SCFD2: variants seen among roughly 807,000 people sequenced by gnomAD.
SCFD2 encodes sec1 family domain-containing protein 2.
In SCFD2, 54 loss-of-function variants were observed where a neutral mutation model predicts 58.9. That is an observed-to-expected ratio of 0.92 (90% CI 0.74 to 1.15). The LOEUF (loss-of-function observed/expected upper bound fraction) is 1.15. Among genes scored for constraint, SCFD2 ranks in the 50% most tolerant of loss-of-function variants. The pLI, the probability that SCFD2 is intolerant of heterozygous loss-of-function variation, is 0.00. For synonymous variants in SCFD2, 321 were observed against 335.9 expected (o/e 0.96, Z 0.49); for missense variants, 805 against 836.6 (o/e 0.96, Z 0.47).
chr4:53,056,540 T>C (rs953015569), intron 5 of SCFD2, among the ~76,000 whole-genome samples: 3 of 152,188 alleles, frequency 2.0e-5, no homozygotes, highest in African/African-American at 7.2e-5. Flanking sequence ...CTTTTTTTTT[T>C]CCAAGTATTG....
intron 5 of SCFD2, among the ~76,000 whole-genome samples, chr4:52,984,111 A>G (rs1721436632): frequency 6.6e-6 from 1 of 152,256 alleles, no homozygotes; most frequent in Admixed American, 6.5e-5. Context: ...TTCAAAAAGC[A>G]TCTCAAGCCT....
chr4:53,287,551 G>A (rs899871010), intron 3 of SCFD2, among the ~76,000 whole-genome samples: 3 of 151,986 alleles, frequency 2.0e-5, no homozygotes, highest in Non-Finnish European at 4.4e-5. Context: ...AATGCACCCT[G>A]CACAAGTTAC....
At chr4:52,912,240 T>C (rs779000521) in intron 6 of SCFD2, among the ~76,000 whole-genome samples, 3 of 152,252 alleles carry the variant, frequency 2.0e-5, no homozygotes, top group Admixed American at 6.5e-5. Flanking sequence ...AATACATTTA[T>C]TCCACTAAAA....
chr4:53,008,272 T>A (rs572654438), intron 5 of SCFD2, among the ~76,000 whole-genome samples: 1 of 152,136 alleles, frequency 6.6e-6, no homozygotes, highest in East Asian at 1.9e-4. Context: ...CATTAGCCAA[T>A]CCCATCCAGA....
At chr4:53,323,560 T>A (rs1262796287) in intron 2 of SCFD2, among the ~76,000 whole-genome samples, 4 of 146,798 alleles carry the variant, frequency 2.7e-5, no homozygotes, top group Non-Finnish European at 6.0e-5. Flanking sequence ...TTTTTTTACT[T>A]TTTGCGGAGA....
intron 4 of SCFD2, among the ~76,000 whole-genome samples, chr4:53,184,530 T>C (rs1264228811): frequency 6.6e-6 from 1 of 152,136 alleles, no homozygotes; most frequent in African/African-American, 2.4e-5. Flanking sequence ...GATGGAGATT[T>C]TTACATGAGA....
At chr4:53,188,420 T>C (rs915167319) in intron 4 of SCFD2, among the ~76,000 whole-genome samples, 2 of 18,830 alleles carry the variant, frequency 1.1e-4, no homozygotes, top group African/African-American at 4.4e-4. Context: ...TCAAAACTGG[T>C]GTGTGTGTGT....
chr4:53,312,943 A>G (rs1320290493), intron 3 of SCFD2, among the ~76,000 whole-genome samples: 1 of 152,140 alleles, frequency 6.6e-6, no homozygotes, highest in Non-Finnish European at 1.5e-5. Context: ...TATTTTTTAA[A>G]ACAAAAAAAT....
intron 5 of SCFD2, among the ~76,000 whole-genome samples, chr4:53,138,849 T>TCC (rs1726019407): frequency 6.8e-6 from 1 of 147,760 alleles, no homozygotes. Context: ...TGAAAGAAAA[T>TCC]CCCTCTCCCC....
At chr4:53,101,768 G>A (rs1393854723) in intron 5 of SCFD2, among the ~76,000 whole-genome samples, 1 of 152,018 alleles carries the variant, frequency 6.6e-6, no homozygotes, top group East Asian at 1.9e-4. Flanking sequence ...GACATTCCTG[G>A]TTCTTGATTA....
At chr4:53,044,564 C>A (rs1722980783) in intron 5 of SCFD2, among the ~76,000 whole-genome samples, 2 of 150,334 alleles carry the variant, frequency 1.3e-5, no homozygotes, top group Non-Finnish European at 1.5e-5. Flanking sequence ...TACAGGATTC[C>A]TTTCCCTTTC....
chr4:52,956,334 G>A, intron 5 of SCFD2: 1 of 443,404 alleles, frequency 2.3e-6, no homozygotes, highest in Non-Finnish European at 4.5e-6. Flanking sequence ...AGAGGTCAAG[G>A]GGACTATGTT....
intron 5 of SCFD2, among the ~76,000 whole-genome samples, chr4:53,080,333 A>G (rs1485914289): frequency 6.6e-6 from 1 of 152,212 alleles, no homozygotes; most frequent in Non-Finnish European, 1.5e-5. Context: ...CTTAAAAGGC[A>G]TTAGAAGAGA....
intron 5 of SCFD2, among the ~76,000 whole-genome samples, chr4:53,036,204 C>A (rs1722755320): frequency 6.6e-6 from 1 of 151,756 alleles, no homozygotes. Context: ...TGCTATCCCT[C>A]CCCCAGCCCC....
chr4:53,284,229 TA>T (rs981185510), intron 3 of SCFD2, among the ~76,000 whole-genome samples: 172 of 145,242 alleles, frequency 1.2e-3, no homozygotes, highest in Admixed American at 4.5e-3. Flanking sequence ...GTCTAATGAG[TA>T]AAAAAAAAAA....
At chr4:52,935,988 C>G (rs1272262878) in intron 5 of SCFD2, among the ~76,000 whole-genome samples, 1 of 152,120 alleles carries the variant, frequency 6.6e-6, no homozygotes, top group African/African-American at 2.4e-5. Context: ...CAGGCATGCA[C>G]CACCACGCCC....
At chr4:53,032,637 A>T (rs976375701) in intron 5 of SCFD2, among the ~76,000 whole-genome samples, 6 of 152,032 alleles carry the variant, frequency 3.9e-5, no homozygotes, top group African/African-American at 1.4e-4. Flanking sequence ...ACAAAAACAA[A>T]CAAAAAACAA....
At chr4:53,356,753 T>TTTTTTTTTTTTTTTTTTTTTTTTC in intron 1 of SCFD2, among the ~76,000 whole-genome samples, 1 of 136,818 alleles carries the variant, frequency 7.3e-6, no homozygotes. Context: ...TTTTTTTTTG[T>TTTTTTTTTTTTTTTTTTTTTTTTC]TGAGACATAG....
intron 4 of SCFD2, among the ~76,000 whole-genome samples, chr4:53,184,804 G>A (rs564213619): frequency 3.3e-5 from 5 of 152,008 alleles, no homozygotes; most frequent in Non-Finnish European, 7.4e-5. Flanking sequence ...ATGAGGCTTT[G>A]TAGAAGCTTG....
Sources: allele counts gnomAD v4.1 joint callset (sites outside exome capture counted in the v4.1 genomes callset), GRCh38; gene constraint gnomAD v4.1.1; transcripts MANE v1.5; gene names NCBI Gene and HGNC (gene_info 2026-07-23, HGNC 2026-07-21).